The following LARP4 variants were observed in gnomAD, a reference collection of about 807,000 sequenced individuals.
The protein encoded by LARP4 is La ribonucleoprotein 4.
LARP4 carries 29 observed loss-of-function variants against 92.9 expected under a neutral mutation model. The ratio of observed to expected loss-of-function variants is 0.31; its 90% confidence interval spans 0.23 to 0.43. The LOEUF (loss-of-function observed/expected upper bound fraction) is 0.43, where lower values mean the gene tolerates loss of function less well. Among genes scored for constraint, LARP4 ranks in the 20% least tolerant of loss-of-function variants. The pLI is 1.00. For missense variants in LARP4, 732 were observed against 860.0 expected, an observed-to-expected ratio of 0.85 and a Z score of 1.86; for synonymous variants, 279 against 284.1, an observed-to-expected ratio of 0.98 and a Z score of 0.18.
At chr12:50,413,090 G>A (rs974336218) in intron 1 of LARP4, among the ~76,000 whole-genome samples, 20 of 151,992 alleles carry the variant, frequency 1.3e-4, no homozygotes, top group African/African-American at 3.6e-4. Flanking sequence ...GGACGTGGTG[G>A]TGGGCGCCTG....
chr12:50,476,078 A>G lies in LARP4; in HGVS notation c.*214A>G. On this transcript the variant is annotated 3_prime_UTR_variant, in exon 16 of 16. Transcript: ENST00000398473. ...CTGGAGGATTCCAATCAATATAAAT[A>G]TATATATATATATACACACACATAT... 4.0e-6 allele frequency: 1 copy of G among 248,520 alleles called. No individual in the cohort carries two copies. The highest frequency in any genetic ancestry group is 7.8e-6 in the Non-Finnish European group (1 of 127,794). The allele number at this position is 248,520 out of a possible 1,614,324, so 15.4% of individuals were successfully genotyped here. A position where few individuals can be genotyped will look rare whatever the true frequency, so the allele number is the denominator to read the frequency against.
chr12:50,457,310 G>A (rs1199133967), intron 10 of LARP4, among the ~76,000 whole-genome samples: 2 of 150,368 alleles, frequency 1.3e-5, no homozygotes, highest in Admixed American at 1.3e-4. Flanking sequence ...GGGTTCAAGC[G>A]ATACTCCTGC....
rs59855735 is a variant in LARP4 at position 50,459,822 on chromosome 12, C to CA, written c.1122-1289dup. Among the ~76,000 whole-genome samples, 584 of 99,742 alleles carry CA rather than the reference C, an allele frequency of 5.9e-3. 12 individuals carry two copies. The highest frequency in any genetic ancestry group is 0.028 in the African/African-American group (528 of 18,670). 65.4% of individuals were successfully genotyped at this position (99,742 alleles called of 152,430 possible). On this transcript the variant is annotated intron_variant, in intron 10 of 15. Transcript: ENST00000398473. Reference sequence around the variant, plus strand: ...CTGGCGACAGAGCAAGACTCCGTATCAAAAAAAAAAAAAAAAAAAAAAAAG... The same window carrying CA: ...CTGGCGACAGAGCAAGACTCCGTATCAAAAAAAAAAAAAAAAAAAAAAAAAG...
intron 10 of LARP4, among the ~76,000 whole-genome samples, chr12:50,458,078 G>A (rs1012662997): frequency 4.0e-5 from 6 of 151,188 alleles, no homozygotes; most frequent in Non-Finnish European, 7.4e-5. Flanking sequence ...GACTACAGGC[G>A]CATACCACCA....
rs10599634 is a variant in LARP4, at chr12:50,436,174, GTATA to G, written c.535+568_535+571del. ...CGCTGGGGTGTGTGTGTGTGTGTAT[GTATA>G]TATATATATATATATATCCCGCTAC... On this transcript the variant is annotated intron_variant, in intron 5 of 15. Coordinates refer to ENST00000398473, the MANE Select transcript of LARP4 (RefSeq NM_052879.5). Among the ~76,000 whole-genome samples the G allele has an allele frequency of 3.4e-3, 467 of 135,968 alleles. 1 individual carries two copies. The highest frequency in any genetic ancestry group is 3.3e-3 in the Non-Finnish European group (210 of 64,024). 89.2% of individuals were successfully genotyped at this position (135,968 alleles called of 152,430 possible). A position where few individuals can be genotyped will look rare whatever the true frequency, so the allele number is the denominator to read the frequency against.
At chr12:50,451,994 C>T (rs1341539137) in intron 8 of LARP4, among the ~76,000 whole-genome samples, 1 of 152,088 alleles carries the variant, frequency 6.6e-6, no homozygotes, top group African/African-American at 2.4e-5. Flanking sequence ...CAGAGCAAGA[C>T]TCTGTCTCAA....
chr12:50,453,646 C>G lies in LARP4; in HGVS notation c.991C>G (p.Pro331Ala), dbSNP rs1303705101. The G allele has an allele frequency of 1.2e-6, 2 of 1,607,208 alleles. No homozygotes were observed. Among genetic ancestry groups the G allele is most frequent in the African/African-American group, 1.3e-5 (1 of 74,800 alleles). Residue 331 changes from proline to alanine, a missense_variant, in exon 9 of 16, where the codon CCT (proline) becomes GCT (alanine). Around this residue, in one of 7 missense-constraint regions of LARP4, gnomAD observed 264 missense variants for 269.5 expected, o/e 0.98. Coordinates refer to ENST00000398473, the MANE Select transcript of LARP4 (RefSeq NM_052879.5). ...TGTGCCTCAGTCTTGGTCTCCAAAT[C>G]CTACACCTTACTTTGAAACACCACT... Reference protein sequence around the residue: ...SIVPQSWSPNPTPYFETPLAP... With the variant: ...SIVPQSWSPNATPYFETPLAP...
At chr12:50,450,573 G>A (rs921949188) in intron 8 of LARP4, among the ~76,000 whole-genome samples, 1 of 151,486 alleles carries the variant, frequency 6.6e-6, no homozygotes, top group Non-Finnish European at 1.5e-5. Flanking sequence ...TGAAAATCTC[G>A]GAAAAAAATC....
chr12:50,408,154 G>A (rs1945176875), intron 1 of LARP4, among the ~76,000 whole-genome samples: 1 of 125,230 alleles, frequency 8.0e-6, no homozygotes, highest in Non-Finnish European at 1.7e-5. Flanking sequence ...TATTGGGTTT[G>A]TATGTACTGA....
rs1565908627 is a variant in LARP4 at position 50,400,912 on chromosome 12, C to A, written c.-99C>A. Reference sequence around the variant, plus strand: ...CCGGGTCCACTGCCGGGTGGAGGGGCAAGGCGAGTGTGTGTCCTTATCCTA... The same window carrying A: ...CCGGGTCCACTGCCGGGTGGAGGGGAAAGGCGAGTGTGTGTCCTTATCCTA... On this transcript the variant is annotated 5_prime_UTR_variant, in exon 1 of 16. Coordinates refer to ENST00000398473, the MANE Select transcript of LARP4 (RefSeq NM_052879.5). The A allele has an allele frequency of 6.5e-7, 1 of 1,546,898 alleles. No homozygotes were observed. Among genetic ancestry groups the A allele is most frequent in the South Asian group, 1.1e-5 (1 of 89,716 alleles).
chr12:50,474,942 T>A (rs910258990), intron 15 of LARP4, among the ~76,000 whole-genome samples: 40 of 152,232 alleles, frequency 2.6e-4, no homozygotes, highest in African/African-American at 7.5e-4. Context: ...ACAGCACTTT[T>A]AAAAATAGAT....
Position 50,476,017 on chromosome 12 carries a change from G to A in LARP4, c.*153G>A, listed in dbSNP as rs1162695149. 9 of 590,760 alleles carry A rather than the reference G, an allele frequency of 1.5e-5. No individual in the cohort carries two copies. The highest frequency in any genetic ancestry group is 2.0e-5 in the Non-Finnish European group (7 of 342,242). 36.6% of individuals were successfully genotyped at this position (590,760 alleles called of 1,614,324 possible). On this transcript the variant is annotated 3_prime_UTR_variant, in exon 16 of 16. Coordinates refer to ENST00000398473, the MANE Select transcript of LARP4 (RefSeq NM_052879.5). ...TGGATTTTGGAGTTGTGAGTGATAG[G>A]ATCCCAAAATTCATCTCTAATGTGG... is the stretch of plus-strand genomic sequence containing the variant.
intron 1 of LARP4, among the ~76,000 whole-genome samples, chr12:50,406,048 A>T (rs140217656): frequency 4.5e-4 from 68 of 152,234 alleles, no homozygotes; most frequent in Admixed American, 1.4e-3. Flanking sequence ...TTTGTGATTG[A>T]TTGCTCCACT....
chr12:50,440,289 C>T (rs1951014968), intron 6 of LARP4, 150 bp from the exon 7 acceptor site: 1 of 619,718 alleles, frequency 1.6e-6, no homozygotes, highest in Non-Finnish European at 2.9e-6. Context: ...TGAAACAGCC[C>T]ATCCTCAGTG....
intron 1 of LARP4, among the ~76,000 whole-genome samples, chr12:50,404,502 C>G (rs976707832): frequency 6.6e-6 from 1 of 151,982 alleles, no homozygotes; most frequent in African/African-American, 2.4e-5. Flanking sequence ...CTGGAATGAG[C>G]CGTGATTGTG....
In LARP4 at chr12:50,440,636, A is replaced by G. The variant is rs563089892; in HGVS notation, c.750+87A>G. ...TTTAATTGAGAAAATGTGTGTTTAC[A>G]CTGATGTTTATCAAGACTAGTGAGT... On this transcript the variant is annotated intron_variant, in intron 7 of 15. Coordinates refer to ENST00000398473, the MANE Select transcript of LARP4 (RefSeq NM_052879.5). 32 of 888,172 alleles carry G rather than the reference A, an allele frequency of 3.6e-5. No individual in the cohort carries two copies. In the African/African-American group the frequency reaches 3.7e-4, roughly 10 times the overall value. The allele number at this position is 888,172 out of a possible 1,614,324, so 55.0% of individuals were successfully genotyped here.
intron 10 of LARP4, among the ~76,000 whole-genome samples, chr12:50,457,454 G>A (rs1954521595): frequency 6.6e-6 from 1 of 151,958 alleles, no homozygotes; most frequent in African/African-American, 2.4e-5. Context: ...TGATCTACCC[G>A]CCTTGGCCTC....
chr12:50,437,297 A>G (rs1950579542), intron 5 of LARP4, among the ~76,000 whole-genome samples: 1 of 152,130 alleles, frequency 6.6e-6, no homozygotes, highest in South Asian at 2.1e-4. Context: ...GGGCTTCTTG[A>G]ACTTTAATCT....
At chr12:50,424,861 T>G (rs1948467552) in intron 1 of LARP4, among the ~76,000 whole-genome samples, 1 of 151,808 alleles carries the variant, frequency 6.6e-6, no homozygotes, top group Admixed American at 6.6e-5. Context: ...TTAAACTACC[T>G]TGAGGCCAGG....
Sources: gnomAD v4.1 joint callset for allele counts (sites outside exome capture counted in the v4.1 genomes callset) on GRCh38, gnomAD v4.1.1 for gene constraint, gnomAD v4.1.1 regional missense constraint, MANE v1.5 for transcripts, NCBI Gene and HGNC (gene_info 2026-07-23, HGNC 2026-07-21) for gene names.